Variants in MGAT4D observed in about 807,000 individuals in gnomAD.
MGAT4D encodes MGAT4 family member D, also known as alpha-1,3-mannosyl-glycoprotein 4-beta-N-acetylglucosaminyltransferase-like protein MGAT4D.
In MGAT4D, 34 loss-of-function variants were observed where a neutral mutation model predicts 15.9. The observed-to-expected ratio is 2.14, with a 90% CI of 1.62 to 2.84. The LOEUF is 2.84. Among genes scored for constraint, MGAT4D ranks in the 30% most tolerant of loss-of-function variants. The pLI is 0.00. For synonymous variants in MGAT4D, 112 were observed against 48.2 expected (o/e 2.33, Z -5.49); for missense variants, 327 against 140.2 (o/e 2.33, Z -6.73).
At chr4:140,482,732 G>A (rs1308577306) in intron 1 of MGAT4D, among the ~76,000 whole-genome samples, 2 of 152,102 alleles carry the variant, frequency 1.3e-5, no homozygotes, top group South Asian at 4.1e-4. Context: ...TATGAGGAAG[G>A]TGGGATTATA....
At chr4:140,465,383 A>G (rs1731466162) in intron 5 of MGAT4D, among the ~76,000 whole-genome samples, 1 of 152,214 alleles carries the variant, frequency 6.6e-6, no homozygotes, top group Non-Finnish European at 1.5e-5. Flanking sequence ...TTTGAATTTA[A>G]TAAGAGTCCT....
Position 140,451,410 on chromosome 4 carries a change from T to G in MGAT4D, c.1116A>C (p.Lys372Asn). 3.4e-6 allele frequency: 2 copies of G among 591,120 alleles called. No homozygotes were observed. The highest frequency in any genetic ancestry group is 6.1e-6 in the Non-Finnish European group (2 of 329,088). The allele number at this position is 591,120 out of a possible 1,614,324, so 36.6% of individuals were successfully genotyped here. The change falls in exon 10 of 11, where the codon AAA becomes AAC. Residue 372 changes from lysine (K) to asparagine (N), a missense_variant and splice_region_variant. By Grantham distance (94) the Lys-to-Asn change is moderately conservative. Coordinates refer to ENST00000511113, the MANE Select transcript of MGAT4D (RefSeq NM_001277353.2). The part of the protein sequence containing the change: ...SSFPRKEQYE[K>N]KI ...CTAAAGTTACATTTCAAAATCTTAC[T>G]TTTTCATATTGTTCTTTTCTAGGGA...
intron 10 of MGAT4D, among the ~76,000 whole-genome samples, chr4:140,445,088 T>G (rs1218206854): frequency 6.6e-6 from 1 of 152,152 alleles, no homozygotes; most frequent in East Asian, 1.9e-4. Flanking sequence ...TTTCACTATG[T>G]TGGCCAGGCT....
chr4:140,494,747 C>T (rs1176328450), intron 1 of MGAT4D, among the ~76,000 whole-genome samples: 1 of 152,166 alleles, frequency 6.6e-6, no homozygotes, highest in African/African-American at 2.4e-5. Context: ...GAGACATTTG[C>T]CAATGCCTGG....
chr4:140,453,879 C>T (rs938696064), intron 9 of MGAT4D, among the ~76,000 whole-genome samples: 4 of 152,132 alleles, frequency 2.6e-5, no homozygotes, highest in Non-Finnish European at 5.9e-5. Flanking sequence ...TTACTTATAG[C>T]AGTGTGAAAA....
intron 1 of MGAT4D, among the ~76,000 whole-genome samples, chr4:140,487,985 C>T (rs946171473): frequency 4.6e-5 from 7 of 152,188 alleles, no homozygotes; most frequent in Admixed American, 4.6e-4. Flanking sequence ...CAGTTGACTA[C>T]TATGCACATT....
chr4:140,488,267 G>A (rs1359920200), intron 1 of MGAT4D, among the ~76,000 whole-genome samples: 1 of 152,164 alleles, frequency 6.6e-6, no homozygotes, highest in Non-Finnish European at 1.5e-5. Context: ...AACACCTCCA[G>A]TAGCAAGAAG....
At chr4:140,490,973 AT>A (rs1733464776) in intron 1 of MGAT4D, among the ~76,000 whole-genome samples, 1 of 152,250 alleles carries the variant, frequency 6.6e-6, no homozygotes, top group African/African-American at 2.4e-5. Context: ...TCAACTAGAT[AT>A]TCCAACATGA....
rs567913725 is a variant in MGAT4D at position 140,497,452 on chromosome 4, T to C, written c.94+677A>G. Among the ~76,000 whole-genome samples the C allele has an allele frequency of 7.2e-5, 11 of 152,324 alleles. No individual in the cohort carries two copies. In the East Asian group the frequency reaches 1.5e-3, roughly 21 times the overall value. ...TTTTATACTAATATATAATTGTTTA[T>C]CTGAAATTGAAATTAAACTGGGCAA... On this transcript the variant is annotated intron_variant, in intron 1 of 10. Coordinates refer to ENST00000511113, the MANE Select transcript of MGAT4D (RefSeq NM_001277353.2).
In MGAT4D at chr4:140,488,737, T is replaced by G. The variant is rs139216620; in HGVS notation, c.95-6252A>C. On this transcript the variant is annotated intron_variant, in intron 1 of 10. Transcript: ENST00000511113. Reference sequence around the variant, plus strand: ...ATCCCCACCAAATCTCATGTTGAATTGTAATCCCCAATGTGGGAGGCATTT... The same window carrying G: ...ATCCCCACCAAATCTCATGTTGAATGGTAATCCCCAATGTGGGAGGCATTT... Among the ~76,000 whole-genome samples the G allele has an allele frequency of 2.6e-5, 4 of 152,296 alleles. 1 individual carries two copies. The highest frequency in any genetic ancestry group is 4.1e-4 in the South Asian group (2 of 4,826).
chr4:140,460,816 C>CA (rs1731124896), intron 7 of MGAT4D, among the ~76,000 whole-genome samples: 1 of 152,020 alleles, frequency 6.6e-6, no homozygotes, highest in Non-Finnish European at 1.5e-5. Context: ...ACAAAACAAA[C>CA]AAAAAAACAA....
chr4:140,489,854 G>T (rs1451160207), intron 1 of MGAT4D, among the ~76,000 whole-genome samples: 1 of 152,100 alleles, frequency 6.6e-6, no homozygotes, highest in Non-Finnish European at 1.5e-5. Flanking sequence ...TATATCTGGT[G>T]GTAGAGATGT....
At chr4:140,443,655 C>T (rs948667856) in intron 10 of MGAT4D, among the ~76,000 whole-genome samples, 9 of 152,130 alleles carry the variant, frequency 5.9e-5, no homozygotes, top group South Asian at 4.1e-4. Context: ...AATACTCTTA[C>T]GTTGTTAAAA....
chr4:140,469,478 A>G, intron 5 of MGAT4D, among the ~76,000 whole-genome samples: 1 of 152,224 alleles, frequency 6.6e-6, no homozygotes, highest in Admixed American at 6.5e-5. Flanking sequence ...AAAAGTGCCT[A>G]TTTTGGGGGA....
In MGAT4D at chr4:140,464,978, C is replaced by G; in HGVS notation, c.604G>C (p.Glu202Gln). ...FKRQVRSGSL[E>Q]VISIPAFLYS... ...AAAAAGGCAGGTATTGAAATGACCT[C>G]TAAGGATCCAGACCTCACTTGCCTT... The change falls in exon 6 of 11, where the codon GAG becomes CAG. Residue 202 changes from glutamate to glutamine, a missense_variant. Transcript: ENST00000511113. 3 of 702,670 alleles carry G rather than the reference C, an allele frequency of 4.3e-6. No individual in the cohort carries two copies. The highest frequency in any genetic ancestry group is 7.8e-6 in the Non-Finnish European group (3 of 384,802). The allele number at this position is 702,670 out of a possible 1,614,324, so 43.5% of individuals were successfully genotyped here.
At chr4:140,485,839 A>G (rs1236402921) in intron 1 of MGAT4D, among the ~76,000 whole-genome samples, 1 of 140,342 alleles carries the variant, frequency 7.1e-6, no homozygotes, top group Non-Finnish European at 1.6e-5. Flanking sequence ...AAAAAAAAAA[A>G]AAAAAAAAAG....
At chr4:140,464,601 C>T (rs1731406262) in intron 6 of MGAT4D, among the ~76,000 whole-genome samples, 1 of 152,186 alleles carries the variant, frequency 6.6e-6, no homozygotes, top group Non-Finnish European at 1.5e-5. Flanking sequence ...CATAGACCAT[C>T]AGTGGTGTGC....
At chr4:140,460,047 C>G (rs1036635951) in intron 7 of MGAT4D, among the ~76,000 whole-genome samples, 2 of 152,108 alleles carry the variant, frequency 1.3e-5, no homozygotes, top group Non-Finnish European at 1.5e-5. Context: ...GCCGAGATTA[C>G]AGGTATGAGA....
In MGAT4D at chr4:140,461,910, C is replaced by G; in HGVS notation, c.762+19G>C. On this transcript the variant is annotated intron_variant, in intron 7 of 10. Coordinates refer to ENST00000511113, the MANE Select transcript of MGAT4D (RefSeq NM_001277353.2). ...ACACACACACACACACACACACACA[C>G]ACACACACAATTTCTGACCTGTAAA... 4.3e-6 allele frequency: 3 copies of G among 695,484 alleles called. No individual in the cohort carries two copies. Among genetic ancestry groups the G allele is most frequent in the Non-Finnish European group, 5.3e-6 (2 of 380,944 alleles). The allele number at this position is 695,484 out of a possible 1,614,324, so 43.1% of individuals were successfully genotyped here.
Sources: allele counts gnomAD v4.1 joint callset (sites outside exome capture counted in the v4.1 genomes callset), GRCh38; gene constraint gnomAD v4.1.1; transcripts MANE v1.5; gene names NCBI Gene and HGNC (gene_info 2026-07-23, HGNC 2026-07-21).